The following GFRAL variants were observed in gnomAD, a reference collection of about 807,000 sequenced individuals.
GFRAL encodes the protein GDNF family receptor alpha like, also known as GDNF family receptor alpha-like.
Under a neutral mutation model 45.4 loss-of-function variants are expected in GFRAL, and 36 were observed. That is an observed-to-expected ratio of 0.79 (90% confidence interval 0.61 to 1.05). GFRAL has a LOEUF of 1.05. Ranked by LOEUF, GFRAL falls within the 50% of genes least tolerant of loss-of-function variation. The probability of loss-of-function intolerance (pLI) is 0.00; values close to 1 mark genes in which losing one functional copy is unlikely to be tolerated. For missense variants in GFRAL, 507 were observed against 467.5 expected, an observed-to-expected ratio of 1.08 and a Z score of -0.78; for synonymous variants, 166 against 154.1, an observed-to-expected ratio of 1.08 and a Z score of -0.57.
intron 6 of GFRAL, among the ~76,000 whole-genome samples, chr6:55,394,664 T>C (rs1050063551): frequency 1.3e-5 from 2 of 152,106 alleles, no homozygotes; most frequent in East Asian, 3.9e-4. Context: ...CTTTTCAAGA[T>C]GGCTTGAAAA....
At chr6:55,386,546 CTG>C in intron 6 of GFRAL, among the ~76,000 whole-genome samples, 1 of 152,214 alleles carries the variant, frequency 6.6e-6, no homozygotes, top group South Asian at 2.1e-4. Context: ...AATTAGATTA[CTG>C]AGAGAGACCC....
At chr6:55,382,554 T>G (rs1283889258) in intron 6 of GFRAL, among the ~76,000 whole-genome samples, 2 of 151,900 alleles carry the variant, frequency 1.3e-5, no homozygotes, top group Non-Finnish European at 2.9e-5. Flanking sequence ...ATATAAATAG[T>G]GCCCCTTCTT....
chr6:55,345,662 A>T (rs1468080963), intron 3 of GFRAL, among the ~76,000 whole-genome samples: 2 of 152,208 alleles, frequency 1.3e-5, no homozygotes, highest in Non-Finnish European at 2.9e-5. Flanking sequence ...AAATACCAAA[A>T]ACAATGGCAA....
At chr6:55,359,172 A>ATCTATCTATCTATCTATCTG (rs773226867) in intron 6 of GFRAL, 34 bp downstream of exon 6, 1 of 1,542,518 alleles carries the variant, frequency 6.5e-7, no homozygotes, top group African/African-American at 1.4e-5. Flanking sequence ...CTGTCTATCT[A>ATCTATCTATCTATCTATCTG]TCTATCTATC....
chr6:55,338,425 T>G (rs1767918974), intron 3 of GFRAL, among the ~76,000 whole-genome samples: 1 of 152,218 alleles, frequency 6.6e-6, no homozygotes. Flanking sequence ...CTGAGATTTC[T>G]CAGATATCTT....
chr6:55,390,892 A>G (rs1261889751), intron 6 of GFRAL, among the ~76,000 whole-genome samples: 2 of 88,330 alleles, frequency 2.3e-5, no homozygotes, highest in Non-Finnish European at 4.0e-5. Context: ...CATCTCACAC[A>G]CATACACACA....
intron 6 of GFRAL, among the ~76,000 whole-genome samples, chr6:55,385,042 A>C (rs1411013234): frequency 6.6e-6 from 1 of 151,998 alleles, no homozygotes; most frequent in Non-Finnish European, 1.5e-5. Flanking sequence ...TTCTGATGGA[A>C]AGCACTAAGA....
intron 6 of GFRAL, among the ~76,000 whole-genome samples, chr6:55,368,263 T>C (rs1347179793): frequency 6.6e-6 from 1 of 151,722 alleles, no homozygotes; most frequent in Non-Finnish European, 1.5e-5. Flanking sequence ...ATTCTTCACG[T>C]AGTTCTCGAG....
intron 6 of GFRAL, among the ~76,000 whole-genome samples, chr6:55,362,019 CTGTT>C (rs916914658): frequency 2.0e-4 from 30 of 151,988 alleles, no homozygotes; most frequent in African/African-American, 6.8e-4. Context: ...GCAACATACT[CTGTT>C]TGTTAACAAT....
At chr6:55,377,222 C>A (rs1053460950) in intron 6 of GFRAL, among the ~76,000 whole-genome samples, 5 of 152,010 alleles carry the variant, frequency 3.3e-5, no homozygotes, top group African/African-American at 1.2e-4. Flanking sequence ...TTCTCACCAC[C>A]TGACTGCTAA....
chr6:55,387,599 A>T (rs1768695990), intron 6 of GFRAL, among the ~76,000 whole-genome samples: 1 of 152,172 alleles, frequency 6.6e-6, no homozygotes, highest in Non-Finnish European at 1.5e-5. Flanking sequence ...AGAAAAAAAG[A>T]ATGTTTGGTA....
At chr6:55,387,394 A>G (rs1244489760) in intron 6 of GFRAL, among the ~76,000 whole-genome samples, 2 of 152,180 alleles carry the variant, frequency 1.3e-5, no homozygotes, top group African/African-American at 4.8e-5. Context: ...CTTTCTTTGC[A>G]TCGTGATTGT....
chr6:55,361,220 T>G (rs1202709951), intron 6 of GFRAL, among the ~76,000 whole-genome samples: 5 of 151,990 alleles, frequency 3.3e-5, no homozygotes, highest in Admixed American at 6.6e-5. Flanking sequence ...AATGACAGGA[T>G]TATAGAATTA....
At chr6:55,362,451 A>G (rs1309355452) in intron 6 of GFRAL, among the ~76,000 whole-genome samples, 1 of 152,006 alleles carries the variant, frequency 6.6e-6, no homozygotes, top group East Asian at 1.9e-4. Flanking sequence ...CAGGCAGAAG[A>G]GCATCCTGAA....
intron 6 of GFRAL, among the ~76,000 whole-genome samples, chr6:55,397,379 G>A (rs1331200306): frequency 2.0e-5 from 3 of 147,290 alleles, no homozygotes; most frequent in South Asian, 2.1e-4. Context: ...TTAGCCGGGC[G>A]CAGTGGCGGG....
At chr6:55,387,646 G>A (rs994671893) in intron 6 of GFRAL, among the ~76,000 whole-genome samples, 8 of 152,134 alleles carry the variant, frequency 5.3e-5, no homozygotes, top group Admixed American at 1.3e-4. Context: ...AGATAGGTGA[G>A]CAATGAGTAG....
chr6:55,338,045 T>C lies in GFRAL; in HGVS notation c.316+4101T>C, dbSNP rs533131072. Among the ~76,000 whole-genome samples, 4 of 152,216 alleles carry C rather than the reference T, an allele frequency of 2.6e-5. No homozygotes were observed. The East Asian group carries it at 7.7e-4, about 29-fold the overall frequency. The stretch of plus-strand genomic sequence containing the variant: ...TTTAATTTAAATTTATGTCAAAATA[T>C]TTTCTCCTTTTCTTTGTGACTTCCA... On this transcript the variant is annotated intron_variant, in intron 3 of 8. Coordinates refer to ENST00000340465, the MANE Select transcript of GFRAL (RefSeq NM_207410.2).
At chr6:55,365,869 A>G (rs1247708606) in intron 6 of GFRAL, among the ~76,000 whole-genome samples, 1 of 146,524 alleles carries the variant, frequency 6.8e-6, no homozygotes, top group Non-Finnish European at 1.5e-5. Context: ...TTTTTGCATC[A>G]ATGTTCATCA....
At chr6:55,357,124 T>C (rs1186340529) in intron 5 of GFRAL, among the ~76,000 whole-genome samples, 1 of 151,934 alleles carries the variant, frequency 6.6e-6, no homozygotes, top group Non-Finnish European at 1.5e-5. Context: ...GGGTTACCAT[T>C]GACAACGATC....
Sources: allele counts gnomAD v4.1 joint callset (sites outside exome capture counted in the v4.1 genomes callset), GRCh38; gene constraint gnomAD v4.1.1; transcripts MANE v1.5; gene names NCBI Gene and HGNC (gene_info 2026-07-23, HGNC 2026-07-21).